The following CDKN2B-AS1 variants were observed in gnomAD, a reference collection of about 807,000 sequenced individuals.
CDKN2B-AS1 encodes CDKN2B antisense RNA 1 (non-protein coding).
At chr9:22,083,605 T>TGA (rs1201811801) in intron 4 of CDKN2B-AS1, among the ~76,000 whole-genome samples, 1 of 152,190 alleles carries the variant, frequency 6.6e-6, no homozygotes, top group Non-Finnish European at 1.5e-5. Flanking sequence ...TAAAGCACCC[T>TGA]AGGTGATGCT....
rs1462014318 is a variant in CDKN2B-AS1, at chr9:22,101,075, TAA to T, written n.439-26026_439-26025del. 4.6e-5 allele frequency among the ~76,000 whole-genome samples: 7 copies of T among 152,346 alleles called. No individual in the cohort carries two copies. In the East Asian group the frequency reaches 1.3e-3, roughly 29 times the overall value. On this transcript the variant is annotated intron_variant and non_coding_transcript_variant, in intron 4 of 4. Transcript: ENST00000650946. ...TTGACTGAGGATAATGATCCACCAG[TAA>T]AGAGATGCATTTATTTCTGTATTTA...
At chr9:22,084,219 C>T (rs72652410) in intron 4 of CDKN2B-AS1, among the ~76,000 whole-genome samples, 2 of 152,108 alleles carry the variant, frequency 1.3e-5, no homozygotes, top group Admixed American at 1.3e-4. Context: ...AATTTGAGCC[C>T]AAGTCTCTTT....
In CDKN2B-AS1 at chr9:22,016,265, G is replaced by T. The variant is rs548276208; in HGVS notation, n.29+21104G>T. Among the ~76,000 whole-genome samples, 3 of 152,218 alleles carry T rather than the reference G, an allele frequency of 2.0e-5. No individual in the cohort carries two copies. The South Asian group carries it at 6.2e-4, about 32-fold the overall frequency. ...GGGACGTGAAGGACCTCTTCAAGGA[G>T]AACTACAAACCACTGCTCAATGAAA... On this transcript the variant is annotated intron_variant and non_coding_transcript_variant, in intron 1 of 4. Coordinates refer to ENST00000650946, the Ensembl canonical transcript of CDKN2B-AS1.
intron 3 of CDKN2B-AS1, chr9:22,056,212 G>GTGTATATATATATA (rs1285848864): frequency 1.2e-4 from 15 of 124,132 alleles, no homozygotes; most frequent in African/African-American, 3.1e-4. Flanking sequence ...ATGTGTGTGT[G>GTGTATATATATATA]TATATATATA....
chr9:22,080,262 C>G (rs937484379), intron 4 of CDKN2B-AS1, among the ~76,000 whole-genome samples: 1 of 152,176 alleles, frequency 6.6e-6, no homozygotes, highest in African/African-American at 2.4e-5. Context: ...CTCCCTGGCT[C>G]CCTGGAGTAA....
intron 1 of CDKN2B-AS1, chr9:22,012,523 C>A (rs1274382889): frequency 3.1e-6 from 2 of 636,650 alleles, no homozygotes; most frequent in Non-Finnish European, 3.0e-6. Context: ...ACCTGCACCC[C>A]AAGAAGGTCA....
intron 4 of CDKN2B-AS1, among the ~76,000 whole-genome samples, chr9:22,121,252 T>C (rs1182491636): frequency 2.6e-5 from 4 of 152,048 alleles, no homozygotes; most frequent in East Asian, 1.9e-4. Context: ...ATAGATTAGA[T>C]TGATAATGGC....
intron 4 of CDKN2B-AS1, among the ~76,000 whole-genome samples, chr9:22,067,277 T>A (rs10965224): frequency 0.64 from 97,908 of 151,988 alleles, 31,805 homozygotes; most frequent in Middle Eastern, 0.79. Flanking sequence ...ATGATTTTTC[T>A]TATAAAAGAG....
chr9:22,089,011 C>A (rs1380791266), intron 4 of CDKN2B-AS1, among the ~76,000 whole-genome samples: 2 of 152,140 alleles, frequency 1.3e-5, no homozygotes, highest in African/African-American at 4.8e-5. Context: ...AAAGACTTGG[C>A]ATTTGTTTTT....
chr9:22,015,458 A>G (rs1360871163), intron 1 of CDKN2B-AS1, among the ~76,000 whole-genome samples: 1 of 152,160 alleles, frequency 6.6e-6, no homozygotes, highest in Non-Finnish European at 1.5e-5. Flanking sequence ...GTCATTCTGA[A>G]TCCTTTACTT....
rs950341386 is a variant in CDKN2B-AS1, at chr9:22,000,146, G to T, written n.29+4985G>T. ...ATTCTAATTTTGTAGACCTGGAGCT[G>T]ATCAACAAGTCTAAATGTTAAAACA... On this transcript the variant is annotated intron_variant and non_coding_transcript_variant, in intron 1 of 4. Transcript: ENST00000650946. The surrounding 1 kb of genome is among the most constrained non-coding windows in gnomAD (Gnocchi z 4.1). Among the ~76,000 whole-genome samples the T allele has an allele frequency of 1.1e-4, 17 of 152,208 alleles. No individual in the cohort carries two copies. The highest frequency in any genetic ancestry group is 1.9e-4 in the Non-Finnish European group (13 of 67,986).
intron 4 of CDKN2B-AS1, among the ~76,000 whole-genome samples, chr9:22,075,402 A>G (rs1824456459): frequency 6.6e-6 from 1 of 152,236 alleles, no homozygotes; most frequent in Non-Finnish European, 1.5e-5. Flanking sequence ...GTATATGATC[A>G]AAGCAGAGAG....
At chr9:22,116,749 AG>A (rs1178830531) in intron 4 of CDKN2B-AS1, among the ~76,000 whole-genome samples, 1 of 152,238 alleles carries the variant, frequency 6.6e-6, no homozygotes, top group Non-Finnish European at 1.5e-5. Context: ...AGGCCATAAA[AG>A]GTCCTATAGG....
intron 1 of CDKN2B-AS1, chr9:22,003,309 A>G (rs1306199924): frequency 9.1e-6 from 2 of 220,362 alleles, no homozygotes; most frequent in South Asian, 3.7e-4. Context: ...CAAAAAAAAC[A>G]GTGTAATATA....
chr9:22,028,070 C>G (rs993351776), intron 1 of CDKN2B-AS1, among the ~76,000 whole-genome samples: 2 of 152,062 alleles, frequency 1.3e-5, no homozygotes, highest in Admixed American at 1.3e-4. Context: ...ACTTGTCTGA[C>G]AAATCCAGAT....
At chr9:22,051,208 A>T (rs144869747) in intron 3 of CDKN2B-AS1, among the ~76,000 whole-genome samples, 16 of 152,242 alleles carry the variant, frequency 1.1e-4, no homozygotes, top group Admixed American at 1.0e-3. Context: ...TGAAAGAGAC[A>T]TTTTGTTGCT....
chr9:22,078,013 AT>A (rs1824561936), intron 4 of CDKN2B-AS1: 1 of 152,072 alleles, frequency 6.6e-6, no homozygotes, highest in Non-Finnish European at 1.5e-5. Context: ...TTCACCAAAT[AT>A]TTTGTTTTAC....
intron 4 of CDKN2B-AS1, among the ~76,000 whole-genome samples, chr9:22,109,575 T>C (rs1825749884): frequency 6.6e-6 from 1 of 152,160 alleles, no homozygotes; most frequent in African/African-American, 2.4e-5. Context: ...GCTGAATAAG[T>C]AAGAGCAAGT....
At chr9:22,041,506 C>A (rs1355632913) in intron 1 of CDKN2B-AS1, among the ~76,000 whole-genome samples, 2 of 151,944 alleles carry the variant, frequency 1.3e-5, no homozygotes, top group Admixed American at 1.3e-4. Flanking sequence ...TTTTTGTTTA[C>A]CAGGAAAACA....
Sources: gnomAD v4.1 joint callset for allele counts (sites outside exome capture counted in the v4.1 genomes callset) on GRCh38, gnomAD v4.1.1 for gene constraint, Gnocchi (gnomAD v3.1) non-coding constraint, MANE v1.5 for transcripts, NCBI Gene and HGNC (gene_info 2026-07-23, HGNC 2026-07-21) for gene names.